Variants in SEMA3E observed in about 807,000 individuals in gnomAD.
The protein encoded by SEMA3E is semaphorin-3E.
A neutral mutation model predicts 93.6 loss-of-function variants in SEMA3E; 49 were observed. The observed-to-expected ratio is 0.52, with a 90% CI of 0.42 to 0.66. The LOEUF (loss-of-function observed/expected upper bound fraction) is 0.66. Among genes scored for constraint, SEMA3E ranks in the 30% least tolerant of loss-of-function variants. The pLI is 0.00. For missense variants in SEMA3E, 906 were observed against 964.8 expected (o/e 0.94, Z 0.81); for synonymous variants, 363 against 330.7 (o/e 1.10, Z -1.06).
chr7:83,473,226 C>A (rs1483748496), intron 2 of SEMA3E, among the ~76,000 whole-genome samples: 5 of 152,162 alleles, frequency 3.3e-5, no homozygotes, highest in Admixed American at 3.3e-4. Context: ...AACATTTTTA[C>A]AAACAGCTTC....
chr7:83,601,860 A>C (rs2115984709), intron 1 of SEMA3E, among the ~76,000 whole-genome samples: 1 of 152,280 alleles, frequency 6.6e-6, no homozygotes, highest in Admixed American at 6.5e-5. Context: ...TCTAATAATA[A>C]ATTTGTCCTG....
intron 1 of SEMA3E, among the ~76,000 whole-genome samples, chr7:83,517,498 A>T (rs1462144299): frequency 6.6e-6 from 1 of 152,218 alleles, no homozygotes; most frequent in East Asian, 1.9e-4. Flanking sequence ...AAAAAGATTA[A>T]TCACTAAGTA....
At chr7:83,405,150 C>T (rs940821826) in intron 9 of SEMA3E, among the ~76,000 whole-genome samples, 2 of 151,542 alleles carry the variant, frequency 1.3e-5, no homozygotes, top group Non-Finnish European at 2.9e-5. Flanking sequence ...ATCTTACAAA[C>T]TGTATGTGAA....
chr7:83,573,790 C>A (rs971292222), intron 1 of SEMA3E, among the ~76,000 whole-genome samples: 7 of 151,800 alleles, frequency 4.6e-5, no homozygotes, highest in African/African-American at 1.2e-4. Flanking sequence ...AAAATAACTG[C>A]TTATTATATA....
At chr7:83,404,528 G>A (rs945099923) in intron 9 of SEMA3E, among the ~76,000 whole-genome samples, 1 of 151,870 alleles carries the variant, frequency 6.6e-6, no homozygotes, top group South Asian at 2.1e-4. Context: ...TACCTGGAAA[G>A]ATACTCAGGA....
chr7:83,532,445 C>T (rs1342086681), intron 1 of SEMA3E, among the ~76,000 whole-genome samples: 1 of 152,134 alleles, frequency 6.6e-6, no homozygotes, highest in Non-Finnish European at 1.5e-5. Flanking sequence ...ACTGGCACAT[C>T]ACAGGAATTT....
chr7:83,550,992 T>C (rs542959335), intron 1 of SEMA3E, among the ~76,000 whole-genome samples: 10 of 152,278 alleles, frequency 6.6e-5, no homozygotes, highest in African/African-American at 2.4e-4. Context: ...TTATTTTAGA[T>C]GCATCAGATT....
chr7:83,430,381 C>T (rs929160384), intron 4 of SEMA3E, among the ~76,000 whole-genome samples: 1 of 151,954 alleles, frequency 6.6e-6, no homozygotes, highest in Non-Finnish European at 1.5e-5. Context: ...ATGAGAATGA[C>T]TTGAACCCAG....
chr7:83,582,627 C>T (rs929216381), intron 1 of SEMA3E, among the ~76,000 whole-genome samples: 2 of 151,990 alleles, frequency 1.3e-5, no homozygotes, highest in African/African-American at 4.8e-5. Context: ...AAAATAATGA[C>T]CAATATTTTA....
intron 5 of SEMA3E, among the ~76,000 whole-genome samples, chr7:83,417,006 CACACA>C (rs760950078): frequency 7.5e-5 from 5 of 66,400 alleles, no homozygotes; most frequent in African/African-American, 1.7e-4. Flanking sequence ...CACACACACA[CACACA>C]CACAGGGAGA....
chr7:83,558,480 T>A (rs957078656), intron 1 of SEMA3E, among the ~76,000 whole-genome samples: 2 of 152,108 alleles, frequency 1.3e-5, no homozygotes, highest in Non-Finnish European at 2.9e-5. Flanking sequence ...CTCTTTAAAA[T>A]TTAAACTGTG....
chr7:83,587,560 C>T (rs1273519322), intron 1 of SEMA3E, among the ~76,000 whole-genome samples: 1 of 151,946 alleles, frequency 6.6e-6, no homozygotes, highest in African/African-American at 2.4e-5. Context: ...AAATAACTTG[C>T]ATTAGACAAG....
intron 4 of SEMA3E, among the ~76,000 whole-genome samples, chr7:83,439,751 A>G (rs1323092333): frequency 1.3e-5 from 2 of 152,192 alleles, no homozygotes; most frequent in Non-Finnish European, 2.9e-5. Flanking sequence ...ATCAAGACAC[A>G]AAAATTAGCT....
intron 1 of SEMA3E, among the ~76,000 whole-genome samples, chr7:83,612,867 G>C (rs1259705833): frequency 6.6e-6 from 1 of 151,988 alleles, no homozygotes; most frequent in Non-Finnish European, 1.5e-5. Flanking sequence ...ATTTCATTCA[G>C]AAAACTAACC....
chr7:83,480,391 G>A (rs1790120730), intron 2 of SEMA3E, among the ~76,000 whole-genome samples: 1 of 152,120 alleles, frequency 6.6e-6, no homozygotes, highest in African/African-American at 2.4e-5. Context: ...TCGTGCCACT[G>A]TACTCCAGCC....
intron 2 of SEMA3E, among the ~76,000 whole-genome samples, chr7:83,486,039 G>C (rs1441502495): frequency 6.6e-6 from 1 of 151,868 alleles, no homozygotes; most frequent in South Asian, 2.1e-4. Flanking sequence ...GGTTAATGGT[G>C]TGTGTGTGTG....
intron 1 of SEMA3E, among the ~76,000 whole-genome samples, chr7:83,548,240 T>C (rs1761392585): frequency 2.6e-5 from 4 of 152,132 alleles, no homozygotes; most frequent in African/African-American, 9.7e-5. Context: ...ATTGATGCTA[T>C]AATTTTGGAA....
intron 1 of SEMA3E, among the ~76,000 whole-genome samples, chr7:83,502,208 G>A (rs1449190159): frequency 1.3e-5 from 2 of 152,014 alleles, no homozygotes; most frequent in East Asian, 1.9e-4. Context: ...ACCACTGAAT[G>A]TTCTTCCTAT....
At chr7:83,611,252 T>TAC (rs1491202439) in intron 1 of SEMA3E, among the ~76,000 whole-genome samples, 1 of 143,970 alleles carries the variant, frequency 6.9e-6, no homozygotes, top group Non-Finnish European at 1.5e-5. Context: ...CATATATATT[T>TAC]ATATATATTA....
Sources: gnomAD v4.1 joint callset for allele counts (sites outside exome capture counted in the v4.1 genomes callset) on GRCh38, gnomAD v4.1.1 for gene constraint, MANE v1.5 for transcripts, NCBI Gene and HGNC (gene_info 2026-07-23, HGNC 2026-07-21) for gene names.